DENND1B: variants seen among roughly 807,000 people sequenced by gnomAD.
DENND1B encodes DENN domain-containing protein 1B.
Under a neutral mutation model 90.1 loss-of-function variants are expected in DENND1B, and 59 were observed. The observed-to-expected ratio is 0.65, with a 90% CI of 0.53 to 0.81. The LOEUF (loss-of-function observed/expected upper bound fraction) is 0.81. DENND1B is among the 40% of genes least tolerant of loss of function. The pLI is 0.00. For synonymous variants in DENND1B, 337 were observed against 324.6 expected (o/e 1.04, Z -0.41); for missense variants, 862 against 912.6 (o/e 0.94, Z 0.71).
intron 3 of DENND1B, chr1:197,685,701 T>A (rs1657162382): frequency 6.6e-6 from 1 of 152,150 alleles, no homozygotes; most frequent in Admixed American, 6.5e-5. Flanking sequence ...TAACTGATAG[T>A]GATCAATTAG....
intron 2 of DENND1B, among the ~76,000 whole-genome samples, chr1:197,744,700 A>C (rs1406174567): frequency 6.6e-6 from 1 of 152,240 alleles, no homozygotes; most frequent in Non-Finnish European, 1.5e-5. Context: ...CACTAGCTAC[A>C]TTAGCCCATA....
upstream of DENND1B, among the ~76,000 whole-genome samples, chr1:197,777,541 C>T (rs1336351778): frequency 1.3e-5 from 2 of 152,104 alleles, no homozygotes; most frequent in South Asian, 2.1e-4. Flanking sequence ...ATACACTTAC[C>T]TTGGTAATAG....
At chr1:197,781,823 C>T in the DENND1B span, among the ~76,000 whole-genome samples, 1 of 152,082 alleles carries the variant, frequency 6.6e-6, no homozygotes, top group Non-Finnish European at 1.5e-5. Flanking sequence ...TGAACATATC[C>T]AAATATTTCT....
chr1:197,681,575 G>T (rs1216143296), intron 3 of DENND1B, among the ~76,000 whole-genome samples: 1 of 152,162 alleles, frequency 6.6e-6, no homozygotes, highest in African/African-American at 2.4e-5. Context: ...CAACCTAAAA[G>T]TAGGCTTTGT....
At chr1:197,606,068 T>A (rs550579764) in intron 13 of DENND1B, 2 of 151,186 alleles carry the variant, frequency 1.3e-5, no homozygotes, top group Non-Finnish European at 3.0e-5. Context: ...TGCTTTGTTT[T>A]TTTAAAAAGG....
At chr1:197,672,424 A>G (rs1247260485) in intron 4 of DENND1B, among the ~76,000 whole-genome samples, 2 of 152,112 alleles carry the variant, frequency 1.3e-5, no homozygotes, top group African/African-American at 2.4e-5. Flanking sequence ...ATAAATGATC[A>G]TAAGACTAAA....
intron 14 of DENND1B, among the ~76,000 whole-genome samples, chr1:197,584,234 C>T (rs761556999): frequency 2.6e-4 from 40 of 152,034 alleles, no homozygotes; most frequent in Non-Finnish European, 5.3e-4. Context: ...AAGTACAATT[C>T]TGAAAATAGG....
At chr1:197,650,086 A>C (rs921303799) in intron 7 of DENND1B, among the ~76,000 whole-genome samples, 2 of 152,218 alleles carry the variant, frequency 1.3e-5, no homozygotes, top group African/African-American at 4.8e-5. Flanking sequence ...CAAATGGCCA[A>C]CAAACATGAA....
At chr1:197,695,010 A>G (rs1196703884) in intron 3 of DENND1B, among the ~76,000 whole-genome samples, 1 of 151,274 alleles carries the variant, frequency 6.6e-6, no homozygotes, top group Non-Finnish European at 1.5e-5. Context: ...AAGTTCATAA[A>G]ATATCACTAT....
intron 2 of DENND1B, among the ~76,000 whole-genome samples, chr1:197,749,407 GA>G (rs888552252): frequency 2.0e-5 from 3 of 147,692 alleles, no homozygotes; most frequent in Non-Finnish European, 3.0e-5. Context: ...GCAGACAAAG[GA>G]AAAAAAAAGA....
At chr1:197,771,354 C>T (rs915049638) in intron 2 of DENND1B, among the ~76,000 whole-genome samples, 1 of 152,166 alleles carries the variant, frequency 6.6e-6, no homozygotes, top group African/African-American at 2.4e-5. Context: ...ATTTGAGTAT[C>T]CATTCTACCT....
rs1420333722 is a variant in DENND1B, at chr1:197,510,907, T to C, written c.1881A>G (p.Ala627=). The change falls in exon 23 of 23, where the codon GCA becomes GCG. Residue 627 remains alanine, a synonymous_variant. Transcript: ENST00000620048. ...AFLCGGSGDQ[A]EWNLGQDDSA... ...TATCGTCTTGCCCAAGATTCCACTC[T>C]GCTTGGTCACCAGAACCACCACAGA... The C allele has an allele frequency of 6.3e-7, 1 of 1,594,750 alleles. No individual in the cohort carries two copies. The highest frequency in any genetic ancestry group is 2.2e-5 in the East Asian group (1 of 44,752).
rs535175085 is a variant in DENND1B, at chr1:197,726,593, T to C, written c.83-11519A>G. Among the ~76,000 whole-genome samples the C allele has an allele frequency of 3.9e-5, 6 of 152,232 alleles. 1 individual carries two copies. In the South Asian group the frequency reaches 8.3e-4, roughly 21 times the overall value. On this transcript the variant is annotated intron_variant, in intron 2 of 22. Transcript: ENST00000620048. ...TAGACAAATGATTGCATCAGTGATATGGAAATAATCGCAGTGAGACATTAA... is the reference window on the plus strand; with the variant it reads ...TAGACAAATGATTGCATCAGTGATACGGAAATAATCGCAGTGAGACATTAA...
chr1:197,777,150 A>G (rs1019624000), upstream of DENND1B, among the ~76,000 whole-genome samples: 1 of 152,178 alleles, frequency 6.6e-6, no homozygotes, highest in African/African-American at 2.4e-5. Flanking sequence ...CTGTTACTGA[A>G]TTTCTCAAAC....
intron 1 of DENND1B, 30 bp from the exon 2 acceptor site, chr1:197,772,962 T>C (rs1436646302): frequency 6.6e-7 from 1 of 1,517,360 alleles, no homozygotes; most frequent in African/African-American, 1.4e-5. Context: ...ATTAATTTCC[T>C]ATGACAAATA....
At chr1:197,649,551 C>G (rs1371284720) in intron 7 of DENND1B, among the ~76,000 whole-genome samples, 2 of 152,082 alleles carry the variant, frequency 1.3e-5, no homozygotes, top group African/African-American at 4.8e-5. Flanking sequence ...ATAGAGAACC[C>G]AGAAATAAAC....
At chr1:197,695,057 T>A (rs909186544) in intron 3 of DENND1B, among the ~76,000 whole-genome samples, 1 of 151,258 alleles carries the variant, frequency 6.6e-6, no homozygotes, top group Non-Finnish European at 1.5e-5. Flanking sequence ...GCATTAAAAT[T>A]TTAAAATTTT....
intron 12 of DENND1B, among the ~76,000 whole-genome samples, chr1:197,611,194 T>C (rs543093077): frequency 6.6e-6 from 1 of 150,880 alleles, no homozygotes; most frequent in Non-Finnish European, 1.5e-5. Flanking sequence ...ATAAAACTGA[T>C]AGCATCTAGC....
intron 20 of DENND1B, among the ~76,000 whole-genome samples, chr1:197,516,399 C>T (rs1015075948): frequency 1.3e-5 from 2 of 151,794 alleles, no homozygotes; most frequent in Non-Finnish European, 2.9e-5. Context: ...ATGACTTCTA[C>T]ATAATTGTGT....
Sources: gnomAD v4.1 joint callset for allele counts (sites outside exome capture counted in the v4.1 genomes callset) on GRCh38, gnomAD v4.1.1 for gene constraint, MANE v1.5 for transcripts, NCBI Gene and HGNC (gene_info 2026-07-23, HGNC 2026-07-21) for gene names.